The following FOXP3 variants were observed in gnomAD, a reference collection of about 807,000 sequenced individuals.
FOXP3 encodes forkhead box P3, also known as forkhead box protein P3.
FOXP3 carries 5 observed loss-of-function variants against 31.2 expected under a neutral mutation model. The observed-to-expected ratio is 0.16, with a 90% CI of 0.08 to 0.34. The LOEUF is 0.34. Ranked by LOEUF, FOXP3 falls within the 10% of genes least tolerant of loss-of-function variation. The probability of loss-of-function intolerance (pLI) is 1.00; values close to 1 mark genes in which losing one functional copy is unlikely to be tolerated. For missense variants in FOXP3, 251 were observed against 363.0 expected, an observed-to-expected ratio of 0.69 and a Z score of 2.51; for synonymous variants, 141 against 148.8, an observed-to-expected ratio of 0.95 and a Z score of 0.38.
At position 49,256,963 on chromosome X, in the gene FOXP3, G is replaced by A; in HGVS notation, c.504C>T (p.Leu168=). 1.7e-6 allele frequency: 2 copies of A among 1,211,537 alleles called. No individual in the cohort carries two copies. The highest frequency in any genetic ancestry group is 2.2e-6 in the Non-Finnish European group (2 of 895,409). Residue 168 remains leucine (L), a synonymous_variant, in exon 5 of 12, where the codon CTC becomes CTT. Coordinates refer to ENST00000376207, the MANE Select transcript of FOXP3 (RefSeq NM_014009.4). ...GTGCACTGGGATTTGGGAAGGTGCA[G>A]AGCAGTGCCGGCTCCCTGGACACCC... ...LEWVSREPAL[L]CTFPNPSAPR...
In FOXP3 at chrX:49,256,792, G is replaced by A. The variant is rs370196156; in HGVS notation, c.606C>T (p.Pro202=). 11 of 1,210,784 alleles carry A rather than the reference G, an allele frequency of 9.1e-6. No individual in the cohort carries two copies. Among genetic ancestry groups the A allele is most frequent in the African/African-American group, 5.2e-5 (3 of 57,402 alleles). ...GCTCTTCGAAGACCTTCTCACATCCGGGCCACTTGCAGACACCATTTGCCA... is the reference window on the plus strand; with the variant it reads ...GCTCTTCGAAGACCTTCTCACATCCAGGCCACTTGCAGACACCATTTGCCA... The part of the protein sequence containing the change: ...PLLANGVCKW[P]GCEKVFEEPE... The change falls in exon 6 of 12, where the codon CCC becomes CCT. Residue 202 remains proline, a synonymous_variant. Transcript: ENST00000376207.
rs11091251 is a variant in FOXP3, at chrX:49,257,842, C to T, written c.211-74G>A. ...CTGTGTCTAATTCAAATACTCTGCA[C>T]TGCAAGCCCACATGGTAGATGCTAT... On this transcript the variant is annotated intron_variant, in intron 2 of 11. Coordinates refer to ENST00000376207, the MANE Select transcript of FOXP3 (RefSeq NM_014009.4). The T allele has an allele frequency of 9.4e-3, 7,554 of 806,381 alleles. 332 individuals are homozygous for T. In the African/African-American group the frequency reaches 0.13, roughly 14 times the overall value. 66.5% of individuals were successfully genotyped at this position (806,381 alleles called of 1,213,427 possible). A position where few individuals can be genotyped will look rare whatever the true frequency, so the allele number is the denominator to read the frequency against.
intron 1 of FOXP3, 71 bp downstream of exon 1, chrX:49,264,590 C>T (rs782129848): frequency 9.0e-6 from 6 of 669,617 alleles, no homozygotes; most frequent in Non-Finnish European, 1.1e-5. Flanking sequence ...CTGACCCCCC[C>T]GCCGTGCCTA....
intron 2 of FOXP3, 101 bp downstream of exon 2, chrX:49,258,195 C>G: frequency 1.5e-6 from 1 of 678,282 alleles, no homozygotes; most frequent in Non-Finnish European, 2.2e-6. Context: ...ACTTCCTGTG[C>G]CCCAGCCAGC....
intron 1 of FOXP3, among the ~76,000 whole-genome samples, chrX:49,262,102 G>A (rs781858715): frequency 4.5e-5 from 5 of 112,324 alleles, no homozygotes; most frequent in Admixed American, 9.3e-5. Context: ...GATAGTGAGA[G>A]ACATTGAGAG....
intron 10 of FOXP3, among the ~76,000 whole-genome samples, chrX:49,252,353 G>A (rs2066039335): frequency 9.0e-6 from 1 of 110,629 alleles, no homozygotes; most frequent in Non-Finnish European, 1.9e-5. Context: ...CAAGGATGAG[G>A]TTAGTTGTGG....
chrX:49,257,557 C>A lies in FOXP3; in HGVS notation c.324G>T (p.Thr108=), dbSNP rs111856931. 5 of 1,187,957 alleles carry A rather than the reference C, an allele frequency of 4.2e-6. No homozygotes were observed. Among genetic ancestry groups the A allele is most frequent in the Non-Finnish European group, 5.7e-6 (5 of 879,771 alleles). ...CAGGGGTCCGGGCGTGGGCATCCAC[C>A]GTTGAGAGCTGGGGGGCACATGTGG... The part of the protein sequence containing the change: ...DRPHFMHQLS[T]VDAHARTPVL... Residue 108 remains threonine (T), a synonymous_variant, in exon 4 of 12, where the codon ACG becomes ACT. Coordinates refer to ENST00000376207, the MANE Select transcript of FOXP3 (RefSeq NM_014009.4).
Position 49,250,591 on chromosome X carries a change from T to G in FOXP3, c.*743A>C. 2.7e-6 allele frequency: 1 copy of G among 366,152 alleles called. No homozygotes were observed. Among genetic ancestry groups the G allele is most frequent in the East Asian group, 5.7e-5 (1 of 17,521 alleles). 30.2% of individuals were successfully genotyped at this position (366,152 alleles called of 1,213,427 possible). On this transcript the variant is annotated 3_prime_UTR_variant, in exon 12 of 12. Coordinates refer to ENST00000376207, the MANE Select transcript of FOXP3 (RefSeq NM_014009.4). The stretch of plus-strand genomic sequence containing the variant: ...TGAGTGGCAGGGGAGACACGGGGTA[T>G]TTTTGGCAAGGCAGTGTGTGTGGCT...
intron 1 of FOXP3, among the ~76,000 whole-genome samples, chrX:49,258,905 G>A (rs1165737956): frequency 8.9e-6 from 1 of 112,435 alleles, no homozygotes; most frequent in Non-Finnish European, 1.9e-5. Context: ...GGCTGTGTTT[G>A]CTCATCTTGC....
At chrX:49,257,069 C>T (rs967906577) in intron 4 of FOXP3, 57 bp from the exon 5 acceptor site, 22 of 1,016,743 alleles carry the variant, frequency 2.2e-5, no homozygotes, top group Non-Finnish European at 2.9e-5. Flanking sequence ...GGAGCTTGGC[C>T]CACAAGGCCT....
At chrX:49,258,244 G>A in intron 2 of FOXP3, 52 bp downstream of exon 2, 1 of 1,024,857 alleles carries the variant, frequency 9.8e-7, no homozygotes. Context: ...GTCGGCACCT[G>A]TAGGTCCAGG....
At chrX:49,255,626 GT>G in intron 7 of FOXP3, 88 bp downstream of exon 7, 1 of 1,110,513 alleles carries the variant, frequency 9.0e-7, no homozygotes, top group Non-Finnish European at 1.2e-6. Flanking sequence ...ACCAGCCCTC[GT>G]CCCAGGTGAA....
intron 1 of FOXP3, 37 bp downstream of exon 1, chrX:49,264,624 G>A (rs1447031896): frequency 1.2e-5 from 9 of 743,130 alleles, no homozygotes; most frequent in African/African-American, 2.3e-5. Context: ...TCCTCCAATG[G>A]GGCCCACATC....
Position 49,256,834 on chromosome X carries a change from C to G in FOXP3, c.564G>C (p.Gln188His), listed in dbSNP as rs781965586. Residue 188 changes from glutamine to histidine, a missense_variant, in exon 6 of 12, where the codon CAG becomes CAC. Coordinates refer to ENST00000376207, the MANE Select transcript of FOXP3 (RefSeq NM_014009.4). ...RKDSTLSAVP[Q>H]SSYPLLANGV... ...CATTTGCCAGCAGTGGGTAGGAGCT[C>G]TGGGGCACAGCCGAAAGGGTGCTGG... The G allele has an allele frequency of 1.7e-6, 2 of 1,212,110 alleles. No homozygotes were observed. Among genetic ancestry groups the G allele is most frequent in the Admixed American group, 4.3e-5 (2 of 46,124 alleles).
rs781894992 is a variant in FOXP3 at position 49,261,055 on chromosome X, A to T, written c.-22-2528T>A. 2.7e-5 allele frequency among the ~76,000 whole-genome samples: 3 copies of T among 112,559 alleles called. No individual in the cohort carries two copies. The South Asian group carries it at 1.1e-3, about 41-fold the overall frequency. Reference sequence around the variant, plus strand: ...GTTTGAAGCTCTGAGAGTGCCAGGCAGGCTCCACAGATACTGGGACCCCTG... The same window carrying T: ...GTTTGAAGCTCTGAGAGTGCCAGGCTGGCTCCACAGATACTGGGACCCCTG... On this transcript the variant is annotated intron_variant, in intron 1 of 11. Coordinates refer to ENST00000376207, the MANE Select transcript of FOXP3 (RefSeq NM_014009.4).
rs782632630 is a variant in FOXP3 at position 49,254,177 on chromosome X, G to A, written c.817-110C>T. On this transcript the variant is annotated intron_variant, in intron 8 of 11. Coordinates refer to ENST00000376207, the MANE Select transcript of FOXP3 (RefSeq NM_014009.4). The stretch of plus-strand genomic sequence containing the variant: ...TACTGAGTCTTGCTCTGTCGCCCAG[G>A]CTGGAGTGCAGTGGTGCAATCTCGG... 9 of 936,575 alleles carry A rather than the reference G, an allele frequency of 9.6e-6. No homozygotes were observed. In the South Asian group the frequency reaches 1.7e-4, roughly 18 times the overall value. 77.2% of individuals were successfully genotyped at this position (936,575 alleles called of 1,213,427 possible).
In FOXP3 at chrX:49,251,472, G is replaced by A; in HGVS notation, c.1158C>T (p.Arg386=). ...NHPATWKNAI[R]HNLSLHKCFV... is the part of the protein sequence containing the mutation. ...AGCACTTGTGCAGACTCAGGTTGTG[G>A]CGGATGGCGTTCTGTGGAAGGCCGG... The change falls in exon 12 of 12, where the codon CGC becomes CGT. Residue 386 remains arginine, a synonymous_variant. Coordinates refer to ENST00000376207, the MANE Select transcript of FOXP3 (RefSeq NM_014009.4). 8.3e-7 allele frequency: 1 copy of A among 1,211,920 alleles called. No homozygotes were observed. Among genetic ancestry groups the A allele is most frequent in the Admixed American group, 2.2e-5 (1 of 46,081 alleles).
chrX:49,253,805 C>G, intron 9 of FOXP3, 112 bp downstream of exon 9: 1 of 927,388 alleles, frequency 1.1e-6, no homozygotes, highest in Non-Finnish European at 1.5e-6. Context: ...GCGGCAGCTG[C>G]AGTGGTGGTG....
At position 49,256,917 on chromosome X, in the gene FOXP3, C is replaced by T. The variant is rs782320656; in HGVS notation, c.542+8G>A. The T allele has an allele frequency of 4.1e-6, 5 of 1,209,568 alleles. No individual in the cohort carries two copies. In the South Asian group the frequency reaches 5.3e-5, roughly 13 times the overall value. Reference sequence around the variant, plus strand: ...GGGCGAGGATCCTTCCCAGCCCTGTCCACTGACCTGTCCTTCCTGGGTGCA... The same window carrying T: ...GGGCGAGGATCCTTCCCAGCCCTGTTCACTGACCTGTCCTTCCTGGGTGCA... On this transcript the variant is annotated splice_region_variant and intron_variant, in intron 5 of 11. Transcript: ENST00000376207.
Sources: gnomAD v4.1 joint callset for allele counts (sites outside exome capture counted in the v4.1 genomes callset) on GRCh38, gnomAD v4.1.1 for gene constraint, MANE v1.5 for transcripts, NCBI Gene and HGNC (gene_info 2026-07-23, HGNC 2026-07-21) for gene names.